Variants in DPP6 observed in about 807,000 individuals in gnomAD.
DPP6 encodes dipeptidyl peptidase like 6.
In DPP6, 69 loss-of-function variants were observed where a neutral mutation model predicts 122.6. That is an observed-to-expected ratio of 0.56 (90% CI 0.46 to 0.69). The LOEUF (loss-of-function observed/expected upper bound fraction) is 0.69, where lower values mean the gene tolerates loss of function less well. Ranked by LOEUF, DPP6 falls within the 30% of genes least tolerant of loss-of-function variation. The pLI, the probability that DPP6 is intolerant of heterozygous loss-of-function variation, is 0.00. For missense variants in DPP6, 928 were observed against 1,116.9 expected (o/e 0.83, Z 2.41); for synonymous variants, 418 against 433.1 (o/e 0.97, Z 0.43).
intron 1 of DPP6, among the ~76,000 whole-genome samples, chr7:154,293,781 T>C (rs753282090): frequency 2.0e-5 from 3 of 152,242 alleles, no homozygotes; most frequent in Non-Finnish European, 4.4e-5. Context: ...ATGAATGAAC[T>C]GGTTCTGACC....
At chr7:153,819,058 T>C in the DPP6 span, among the ~76,000 whole-genome samples, 4 of 125,444 alleles carry the variant, frequency 3.2e-5, no homozygotes, top group Non-Finnish European at 4.8e-5. Flanking sequence ...CCTTTTTTTT[T>C]TTTTTCCCCT....
chr7:154,386,449 G>A (rs992985336), intron 1 of DPP6, among the ~76,000 whole-genome samples: 1 of 152,084 alleles, frequency 6.6e-6, no homozygotes, highest in South Asian at 2.1e-4. Flanking sequence ...GCAAGAGGGG[G>A]CATTCCTTGC....
At chr7:154,042,820 T>C (rs527490722) in intron 1 of DPP6, among the ~76,000 whole-genome samples, 1 of 152,360 alleles carries the variant, frequency 6.6e-6, no homozygotes, top group Admixed American at 6.5e-5. Context: ...CTTGCTTTTA[T>C]TCTCTTCCTA....
the DPP6 span, among the ~76,000 whole-genome samples, chr7:153,812,626 C>T: frequency 7.2e-5 from 11 of 152,200 alleles, no homozygotes; most frequent in Admixed American, 3.9e-4. Flanking sequence ...CAAAGCTCTA[C>T]GACTTCCTGT....
rs900879620 is a variant in DPP6, at chr7:154,486,304, T to C, written c.457+11267T>C. Among the ~76,000 whole-genome samples, 1 of 152,130 alleles carries C rather than the reference T, an allele frequency of 6.6e-6. No homozygotes were observed. Among genetic ancestry groups the C allele is most frequent in the Non-Finnish European group, 1.5e-5 (1 of 68,026 alleles). ...GTGTGCCACCACGCCCAGCTAATTT[T>C]TGTATTTTTAGAAGAGACAGGGTTG... On this transcript the variant is annotated intron_variant, in intron 3 of 25. Transcript: ENST00000377770. This position sits in a 1 kb window ranked among gnomAD's most constrained non-coding sequence, Gnocchi z 4.5.
At chr7:154,446,450 C>T in intron 2 of DPP6, 122 bp downstream of exon 2, 1 of 578,208 alleles carries the variant, frequency 1.7e-6, no homozygotes, top group Admixed American at 3.6e-5. Context: ...TTCTAATTCT[C>T]ACTATGCCAT....
chr7:154,021,035 G>A (rs1798673142), intron 1 of DPP6, among the ~76,000 whole-genome samples: 1 of 152,166 alleles, frequency 6.6e-6, no homozygotes, highest in African/African-American at 2.4e-5. Context: ...CAGAGAGGAA[G>A]AGAGCTGCCG....
At chr7:153,916,659 G>A (rs529426458) in intron 1 of DPP6, among the ~76,000 whole-genome samples, 253 of 151,686 alleles carry the variant, frequency 1.7e-3, no homozygotes, top group African/African-American at 5.9e-3. Flanking sequence ...TGCCCGCCTC[G>A]GCCTCCCAAA....
chr7:154,029,815 C>T (rs1799138666), intron 1 of DPP6, among the ~76,000 whole-genome samples: 1 of 150,272 alleles, frequency 6.7e-6, no homozygotes, highest in Non-Finnish European at 1.5e-5. Flanking sequence ...CACTACACTC[C>T]AACCTGGGTG....
At chr7:153,756,455 T>A in the DPP6 span, among the ~76,000 whole-genome samples, 1 of 152,076 alleles carries the variant, frequency 6.6e-6, no homozygotes, top group African/African-American at 2.4e-5. Context: ...GTTTTGTGGT[T>A]CATCTTCTCC....
At chr7:154,530,471 T>C (rs1827756218) in intron 3 of DPP6, among the ~76,000 whole-genome samples, 1 of 151,776 alleles carries the variant, frequency 6.6e-6, no homozygotes, top group East Asian at 1.9e-4. Flanking sequence ...TCCCAGAACT[T>C]GAAAAAAAAA....
chr7:154,425,114 A>C (rs1054170455), intron 1 of DPP6, among the ~76,000 whole-genome samples: 1 of 152,046 alleles, frequency 6.6e-6, no homozygotes, highest in Non-Finnish European at 1.5e-5. Context: ...GAACAGACTC[A>C]CTCAGCAGCA....
chr7:153,836,231 T>C, the DPP6 span, among the ~76,000 whole-genome samples: 1 of 152,236 alleles, frequency 6.6e-6, no homozygotes, highest in Non-Finnish European at 1.5e-5. Context: ...CAAACCCTTG[T>C]GTGCCTCTTT....
chr7:154,541,353 T>G (rs1359740454), intron 4 of DPP6, among the ~76,000 whole-genome samples: 1 of 152,198 alleles, frequency 6.6e-6, no homozygotes, highest in African/African-American at 2.4e-5. Context: ...CAGGCTGGTC[T>G]TGAACTCCTG....
intron 4 of DPP6, among the ~76,000 whole-genome samples, chr7:154,556,646 A>AAG (rs1363322703): frequency 6.6e-6 from 1 of 152,184 alleles, no homozygotes; most frequent in Non-Finnish European, 1.5e-5. Flanking sequence ...GAAGCTATAA[A>AAG]AGATAGCCAT....
At chr7:154,829,565 T>C (rs981734817) in intron 16 of DPP6, among the ~76,000 whole-genome samples, 2 of 151,550 alleles carry the variant, frequency 1.3e-5, no homozygotes, top group East Asian at 1.9e-4. Context: ...ACCAAGATAT[T>C]AGCAGGAAAG....
chr7:154,194,892 T>C (rs933237927), intron 1 of DPP6, among the ~76,000 whole-genome samples: 1 of 152,256 alleles, frequency 6.6e-6, no homozygotes, highest in Admixed American at 6.5e-5. Context: ...ATACAATTCC[T>C]TTGACAAATA....
intron 5 of DPP6, chr7:154,587,819 G>A (rs959160717): frequency 1.3e-5 from 21 of 1,612,770 alleles, no homozygotes; most frequent in Non-Finnish European, 1.6e-5. Context: ...GCAGTCAATG[G>A]ATACAGCACA....
In DPP6 at chr7:154,566,981, A is replaced by G. The variant is rs114432686; in HGVS notation, c.627+65A>G. The G allele has an allele frequency of 1.8e-3, 2,171 of 1,193,712 alleles. 26 individuals carry two copies. The African/African-American group carries it at 0.028, about 16-fold the overall frequency. 73.9% of individuals were successfully genotyped at this position (1,193,712 alleles called of 1,614,324 possible). ...TTTATTCTAATATCTCATTAAGTATATTTCCTTGACTCTTCTATACTTAGT... is the reference window on the plus strand; with the variant it reads ...TTTATTCTAATATCTCATTAAGTATGTTTCCTTGACTCTTCTATACTTAGT... On this transcript the variant is annotated intron_variant, in intron 5 of 25. Coordinates refer to ENST00000377770, the MANE Select transcript of DPP6 (RefSeq NM_130797.4).
Sources: allele counts gnomAD v4.1 joint callset (sites outside exome capture counted in the v4.1 genomes callset), GRCh38; gene constraint gnomAD v4.1.1; non-coding constraint Gnocchi (gnomAD v3.1); transcripts MANE v1.5; gene names NCBI Gene and HGNC (gene_info 2026-07-23, HGNC 2026-07-21).